ASAP1: variants seen among roughly 807,000 people sequenced by gnomAD.
ASAP1 encodes arf-GAP with SH3 domain, ANK repeat and PH domain-containing protein 1.
In ASAP1, 43 loss-of-function variants were observed where a neutral mutation model predicts 145.2. The observed-to-expected ratio is 0.30, with a 90% CI of 0.23 to 0.38. The LOEUF (loss-of-function observed/expected upper bound fraction) is 0.38. Ranked by LOEUF, ASAP1 falls within the 10% of genes least tolerant of loss-of-function variation. ASAP1 has a pLI of 1.00. For synonymous variants in ASAP1, 546 were observed against 515.5 expected, an observed-to-expected ratio of 1.06 and a Z score of -0.80; for missense variants, 1,018 against 1,355.3, an observed-to-expected ratio of 0.75 and a Z score of 3.91.
intron 4 of ASAP1, among the ~76,000 whole-genome samples, chr8:130,229,866 C>A (rs1027736429): frequency 2.6e-5 from 4 of 152,002 alleles, no homozygotes; most frequent in Non-Finnish European, 5.9e-5. Flanking sequence ...CATGGTGAAG[C>A]CCCATCTCTA....
chr8:130,250,380 T>C (rs748177223), intron 3 of ASAP1, among the ~76,000 whole-genome samples: 2 of 152,218 alleles, frequency 1.3e-5, no homozygotes, highest in African/African-American at 2.4e-5. Context: ...CTTTCTGCCA[T>C]GTCTGACTGC....
At chr8:130,420,301 C>T (rs1464273219) in intron 1 of ASAP1, among the ~76,000 whole-genome samples, 2 of 150,070 alleles carry the variant, frequency 1.3e-5, no homozygotes, top group Non-Finnish European at 1.5e-5. Flanking sequence ...CAAGTCTTGG[C>T]GAGGATGTAG....
chr8:130,360,962 C>T (rs1826683544), intron 2 of ASAP1: 1 of 152,560 alleles, frequency 6.6e-6, no homozygotes, highest in Non-Finnish European at 1.5e-5. Flanking sequence ...GCTAATTAAG[C>T]TCTCTGAGAC....
intron 17 of ASAP1, among the ~76,000 whole-genome samples, chr8:130,125,715 A>G (rs946193727): frequency 6.6e-6 from 1 of 152,198 alleles, no homozygotes; most frequent in African/African-American, 2.4e-5. Context: ...ATCCCAAAAG[A>G]AAAGAGCCAA....
intron 28 of ASAP1, among the ~76,000 whole-genome samples, chr8:130,059,102 A>AG (rs2097411434): frequency 6.6e-6 from 1 of 152,158 alleles, no homozygotes; most frequent in Non-Finnish European, 1.5e-5. Flanking sequence ...TCCAACCTAC[A>AG]GGAAGATGGG....
At chr8:130,397,639 A>G (rs4609234) in intron 2 of ASAP1, among the ~76,000 whole-genome samples, 62,237 of 152,128 alleles carry the variant, frequency 0.41, 14,075 homozygotes, top group African/African-American at 0.6. Context: ...AGTTAAGCAA[A>G]GGATGGGGGG....
chr8:130,199,758 A>T (rs1296354007), intron 5 of ASAP1, among the ~76,000 whole-genome samples: 1 of 152,234 alleles, frequency 6.6e-6, no homozygotes, highest in Non-Finnish European at 1.5e-5. Context: ...ATTCCACCTC[A>T]AATGGGTGAG....
intron 13 of ASAP1, among the ~76,000 whole-genome samples, chr8:130,144,898 T>C (rs1182168718): frequency 2.0e-5 from 3 of 152,194 alleles, no homozygotes; most frequent in African/African-American, 7.2e-5. Flanking sequence ...AAAGAAATAT[T>C]TGAAAATGGA....
At chr8:130,128,957 A>C (rs1275433780) in intron 15 of ASAP1, among the ~76,000 whole-genome samples, 1 of 152,182 alleles carries the variant, frequency 6.6e-6, no homozygotes, top group East Asian at 1.9e-4. Flanking sequence ...TCTCATCTTG[A>C]ATTGTTATCC....
intron 4 of ASAP1, among the ~76,000 whole-genome samples, chr8:130,230,231 A>G (rs1817831352): frequency 6.6e-6 from 1 of 152,144 alleles, no homozygotes; most frequent in South Asian, 2.1e-4. Context: ...AACTCATTTT[A>G]AGTAAAATGA....
intron 2 of ASAP1, among the ~76,000 whole-genome samples, chr8:130,397,158 TAAGA>T (rs1218599918): frequency 2.6e-5 from 4 of 152,144 alleles, no homozygotes; most frequent in Admixed American, 1.3e-4. Context: ...TTGTTGTTGT[TAAGA>T]AAGAGTCTAG....
rs781555519 is a variant in ASAP1 at position 130,358,192 on chromosome 8, G to T, written c.60-49C>A. ...GCGGGGGCGGGGGGTGAGTCACGGC[G>T]CAGGCTCCCGGGGCCGCGGGCCGCC... On this transcript the variant is annotated intron_variant, in intron 2 of 29. Coordinates refer to ENST00000518721, the MANE Select transcript of ASAP1 (RefSeq NM_018482.4). This position sits in a 1 kb window ranked among gnomAD's most constrained non-coding sequence, Gnocchi z 4.1. The T allele has an allele frequency of 2.0e-6, 3 of 1,535,906 alleles. No homozygotes were observed. The highest frequency in any genetic ancestry group is 2.3e-5 in the South Asian group (2 of 86,892).
At chr8:130,187,383 T>C (rs777338846) in intron 6 of ASAP1, 98 bp from the exon 7 acceptor site, 14 of 1,022,154 alleles carry the variant, frequency 1.4e-5, no homozygotes, top group Non-Finnish European at 2.1e-5. Flanking sequence ...GTTTCCTTTA[T>C]AGGACACTGG....
rs960186277 is a variant in ASAP1 at position 130,180,828 on chromosome 8, G to A, written c.583C>T (p.Arg195Cys). ...ATCTCAGCTCCTGTTATCTCTGTGCGGATCATCCCATGTTGTTTTGCGTGC... is the reference window on the plus strand; with the variant it reads ...ATCTCAGCTCCTGTTATCTCTGTGCAGATCATCCCATGTTGTTTTGCGTGC... ...REHAKQHGMI[R>C]TEITGAEIAE... The change falls in exon 8 of 30, where the codon CGC becomes TGC. Residue 195 changes from arginine (R) to cysteine (C), a missense_variant. This residue lies in a region of ASAP1 where 78 missense variants were observed against 161.0 expected (regional missense o/e 0.48). Coordinates refer to ENST00000518721, the MANE Select transcript of ASAP1 (RefSeq NM_018482.4). The A allele has an allele frequency of 1.9e-6, 3 of 1,613,206 alleles. No homozygotes were observed. Among genetic ancestry groups the A allele is most frequent in the African/African-American group, 1.3e-5 (1 of 74,790 alleles).
At chr8:130,333,988 G>T (rs969131759) in intron 3 of ASAP1, among the ~76,000 whole-genome samples, 6 of 152,170 alleles carry the variant, frequency 3.9e-5, no homozygotes, top group South Asian at 2.1e-4. Context: ...TGGGGACTGG[G>T]GAACAGGGAA....
At chr8:130,205,591 C>CTTTTTT (rs10679649) in intron 5 of ASAP1, among the ~76,000 whole-genome samples, 2 of 119,250 alleles carry the variant, frequency 1.7e-5, no homozygotes, top group African/African-American at 3.2e-5. Flanking sequence ...AAATACACGG[C>CTTTTTT]TTTTTTTTTT....
At chr8:130,198,134 A>ATTT (rs200376344) in intron 5 of ASAP1, among the ~76,000 whole-genome samples, 2 of 139,762 alleles carry the variant, frequency 1.4e-5, no homozygotes, top group Non-Finnish European at 1.6e-5. Context: ...TTTTCATAAG[A>ATTT]TTTTTTTTTT....
At chr8:130,216,600 C>G (rs1395457315) in intron 4 of ASAP1, among the ~76,000 whole-genome samples, 2 of 152,156 alleles carry the variant, frequency 1.3e-5, no homozygotes, top group South Asian at 2.1e-4. Flanking sequence ...CTGACCTCAT[C>G]ATGTTGAGGC....
In ASAP1 at chr8:130,358,650, C is replaced by CG. The variant is rs1826513873; in HGVS notation, c.60-508dup. On this transcript the variant is annotated intron_variant, in intron 2 of 29. Transcript: ENST00000518721. The surrounding 1 kb of genome is among the most constrained non-coding windows in gnomAD (Gnocchi z 4.1). ...GCGGGCGGCGCTCGCGCTGCAGTCA[C>CG]GGGGCCAAACAAGGAAGTGCTCTGC... Among the ~76,000 whole-genome samples, 1 of 146,868 alleles carries CG rather than the reference C, an allele frequency of 6.8e-6. No individual in the cohort carries two copies. The highest frequency in any genetic ancestry group is 6.7e-5 in the Admixed American group (1 of 14,824).
Sources: gnomAD v4.1 joint callset for allele counts (sites outside exome capture counted in the v4.1 genomes callset) on GRCh38, gnomAD v4.1.1 for gene constraint, gnomAD v4.1.1 regional missense constraint, Gnocchi (gnomAD v3.1) non-coding constraint, MANE v1.5 for transcripts, NCBI Gene and HGNC (gene_info 2026-07-23, HGNC 2026-07-21) for gene names.